SUGT1: variants seen among roughly 807,000 people sequenced by gnomAD.
The protein encoded by SUGT1 is protein SGT1 homolog.
A neutral mutation model predicts 56.1 loss-of-function variants in SUGT1; 15 were observed. The ratio of observed to expected loss-of-function variants is 0.27; its 90% CI spans 0.18 to 0.41. The LOEUF (loss-of-function observed/expected upper bound fraction) is 0.41. Ranked by LOEUF, SUGT1 falls within the 10% of genes least tolerant of loss-of-function variation. The pLI is 1.00. For missense variants in SUGT1, 347 were observed against 382.2 expected, an observed-to-expected ratio of 0.91 and a Z score of 0.77; for synonymous variants, 123 against 128.6, an observed-to-expected ratio of 0.96 and a Z score of 0.30.
chr13:52,666,762 C>A (rs1485146245), intron 9 of SUGT1, 50 bp from the exon 10 acceptor site: 1 of 1,184,474 alleles, frequency 8.4e-7, no homozygotes, highest in South Asian at 1.3e-5. Context: ...GGTTTTTTAC[C>A]CTCCATTATA....
At position 52,697,122 on chromosome 13, in the gene SUGT1, C is replaced by T. The variant is rs2138198991; in HGVS notation, c.*9287C>T. ...GGCTCAAGCAATCCTCCTTCCTCAG[C>T]CTCCTGAGTAGCTGGGACTACAGGT... On this transcript the variant is annotated 3_prime_UTR_variant, in exon 13 of 13. Coordinates refer to ENST00000310528, the MANE Select transcript of SUGT1 (RefSeq NM_006704.5). 1 of 152,208 alleles carries T rather than the reference C, an allele frequency of 6.6e-6. No homozygotes were observed. 9.4% of individuals were successfully genotyped at this position (152,208 alleles called of 1,614,324 possible).
intron 2 of SUGT1, among the ~76,000 whole-genome samples, chr13:52,656,039 A>G (rs2138103659): frequency 6.6e-6 from 1 of 152,356 alleles, no homozygotes; most frequent in East Asian, 1.9e-4. Flanking sequence ...GTCAAGGGCC[A>G]CAGAGAGATC....
rs1200677090 is a variant in SUGT1 at position 52,689,830 on chromosome 13, G to T, written c.*1995G>T. 6.6e-6 allele frequency: 1 copy of T among 152,138 alleles called. No individual in the cohort carries two copies. The highest frequency in any genetic ancestry group is 1.5e-5 in the Non-Finnish European group (1 of 68,130). 9.4% of individuals were successfully genotyped at this position (152,138 alleles called of 1,614,324 possible). The stretch of plus-strand genomic sequence containing the variant: ...CTAAAAATGCAAAAATTAGCTGGGT[G>T]TAGTGGCATGCACCTGTAGTCCCAG... On this transcript the variant is annotated 3_prime_UTR_variant, in exon 13 of 13. Transcript: ENST00000310528.
In SUGT1 at chr13:52,697,846, C is replaced by G. The variant is rs886725015; in HGVS notation, c.*10011C>G. The G allele has an allele frequency of 2.0e-5, 3 of 152,184 alleles. No homozygotes were observed. The highest frequency in any genetic ancestry group is 7.2e-5 in the African/African-American group (3 of 41,448). 9.4% of individuals were successfully genotyped at this position (152,184 alleles called of 1,614,324 possible). The stretch of plus-strand genomic sequence containing the variant: ...TACGCATCAGACACTGAGCTAGGTG[C>G]TAGGTACTAGGTAAACAAAATTCCC... On this transcript the variant is annotated 3_prime_UTR_variant, in exon 13 of 13. Transcript: ENST00000310528.
intron 10 of SUGT1, among the ~76,000 whole-genome samples, chr13:52,674,625 G>T (rs1478407088): frequency 6.6e-6 from 1 of 152,048 alleles, no homozygotes; most frequent in East Asian, 1.9e-4. Flanking sequence ...AAAGATAAAA[G>T]AACCAAAGGG....
chr13:52,665,200 T>C (rs1176594264), intron 8 of SUGT1, among the ~76,000 whole-genome samples: 1 of 152,224 alleles, frequency 6.6e-6, no homozygotes, highest in Non-Finnish European at 1.5e-5. Context: ...TCAGGCTTAT[T>C]GCTTCACCTT....
chr13:52,695,687 T>C lies in SUGT1; in HGVS notation c.*7852T>C, dbSNP rs902894148. The stretch of plus-strand genomic sequence containing the variant: ...CCAAAATTTTTGGCCACATCTCTTG[T>C]CACTGCTTTGCTGTGTACTAAAGCT... On this transcript the variant is annotated 3_prime_UTR_variant, in exon 13 of 13. Transcript: ENST00000310528. 1.3e-5 allele frequency: 2 copies of C among 152,250 alleles called. No individual in the cohort carries two copies. The highest frequency in any genetic ancestry group is 2.4e-5 in the African/African-American group (1 of 41,472). The allele number at this position is 152,250 out of a possible 1,614,324, so 9.4% of individuals were successfully genotyped here. A position where few individuals can be genotyped will look rare whatever the true frequency, so the allele number is the denominator to read the frequency against.
intron 10 of SUGT1, among the ~76,000 whole-genome samples, chr13:52,669,273 A>T (rs754259268): frequency 3.9e-5 from 6 of 152,184 alleles, no homozygotes; most frequent in Non-Finnish European, 8.8e-5. Context: ...CAAGATGTTC[A>T]TTTAAGTTTC....
intron 12 of SUGT1, among the ~76,000 whole-genome samples, chr13:52,681,916 A>G (rs1449863858): frequency 1.6e-4 from 2 of 12,490 alleles, no homozygotes; most frequent in African/African-American, 3.9e-4. Context: ...TCTTATGGCC[A>G]TACTAACCCC....
intron 8 of SUGT1, among the ~76,000 whole-genome samples, chr13:52,664,920 G>A (rs1474565908): frequency 6.6e-6 from 1 of 152,138 alleles, no homozygotes; most frequent in Non-Finnish European, 1.5e-5. Flanking sequence ...AGGATAAACA[G>A]CTCTGCCCTC....
In SUGT1 at chr13:52,681,789, C is replaced by T. The variant is rs577082233; in HGVS notation, c.900+1634C>T. 7.3e-5 allele frequency among the ~76,000 whole-genome samples: 11 copies of T among 150,692 alleles called. No individual in the cohort carries two copies. The East Asian group carries it at 9.8e-4, about 13-fold the overall frequency. On this transcript the variant is annotated intron_variant, in intron 12 of 12. Transcript: ENST00000310528. ...GTTCAAGGTTGCAGTGAGCTATGATCGTGCCACTACACTTAGCTTGGGCAG... is the reference window on the plus strand; with the variant it reads ...GTTCAAGGTTGCAGTGAGCTATGATTGTGCCACTACACTTAGCTTGGGCAG...
chr13:52,685,187 C>T (rs960932188), intron 12 of SUGT1, among the ~76,000 whole-genome samples: 1 of 151,580 alleles, frequency 6.6e-6, no homozygotes, highest in Non-Finnish European at 1.5e-5. Context: ...CCACCTGAGC[C>T]TCCTAAGTAG....
rs1963732726 is a variant in SUGT1, at chr13:52,690,062, C to T, written c.*2227C>T. The stretch of plus-strand genomic sequence containing the variant: ...TATGCTTACCCATTGGCTAGATTTG[C>T]TAAGTGTTGTGGGATTTGGGATTTT... On this transcript the variant is annotated 3_prime_UTR_variant, in exon 13 of 13. Coordinates refer to ENST00000310528, the MANE Select transcript of SUGT1 (RefSeq NM_006704.5). 1.3e-5 allele frequency: 2 copies of T among 151,986 alleles called. No individual in the cohort carries two copies. The highest frequency in any genetic ancestry group is 4.8e-5 in the African/African-American group (2 of 41,376). 9.4% of individuals were successfully genotyped at this position (151,986 alleles called of 1,614,324 possible). A position where few individuals can be genotyped will look rare whatever the true frequency, so the allele number is the denominator to read the frequency against.
intron 2 of SUGT1, among the ~76,000 whole-genome samples, chr13:52,654,195 C>T (rs1304408859): frequency 6.6e-6 from 1 of 152,130 alleles, no homozygotes; most frequent in Non-Finnish European, 1.5e-5. Context: ...GTTTTTTACA[C>T]CTAAATATAT....
rs1343403075 is a variant in SUGT1, at chr13:52,692,502, C to A, written c.*4667C>A. The A allele has an allele frequency of 6.6e-6, 1 of 151,842 alleles. No individual in the cohort carries two copies. The highest frequency in any genetic ancestry group is 2.4e-5 in the African/African-American group (1 of 41,274). The allele number at this position is 151,842 out of a possible 1,614,324, so 9.4% of individuals were successfully genotyped here. On this transcript the variant is annotated 3_prime_UTR_variant, in exon 13 of 13. Coordinates refer to ENST00000310528, the MANE Select transcript of SUGT1 (RefSeq NM_006704.5). ...CTTGGCTCACTGCAACCTCCACCTC[C>A]CAGGTTCAAGTAATTCTTCTGCCTC...
chr13:52,685,824 G>A (rs781773619), intron 12 of SUGT1, among the ~76,000 whole-genome samples: 2 of 152,194 alleles, frequency 1.3e-5, no homozygotes, highest in African/African-American at 2.4e-5. Context: ...AAATTGCCCT[G>A]CAGTCTATTA....
intron 5 of SUGT1, among the ~76,000 whole-genome samples, chr13:52,662,194 A>G (rs1962488612): frequency 6.6e-6 from 1 of 152,220 alleles, no homozygotes; most frequent in Non-Finnish European, 1.5e-5. Context: ...AGAATAGTGG[A>G]CTGAATAGGT....
At chr13:52,684,949 G>T (rs535843617) in intron 12 of SUGT1, among the ~76,000 whole-genome samples, 1 of 151,210 alleles carries the variant, frequency 6.6e-6, no homozygotes, top group African/African-American at 2.4e-5. Context: ...GGTGTTTCCA[G>T]CTTCTTCAGC....
chr13:52,667,586 TA>T (rs756308783), intron 10 of SUGT1, among the ~76,000 whole-genome samples: 1 of 143,594 alleles, frequency 7.0e-6, no homozygotes, highest in African/African-American at 2.6e-5. Context: ...CTTTTTTTTT[TA>T]AACTGAATTT....
Sources: allele counts gnomAD v4.1 joint callset (sites outside exome capture counted in the v4.1 genomes callset), GRCh38; gene constraint gnomAD v4.1.1; transcripts MANE v1.5; gene names NCBI Gene and HGNC (gene_info 2026-07-23, HGNC 2026-07-21).